The following SYT16 variants were observed in gnomAD, a reference collection of about 807,000 sequenced individuals.
SYT16 encodes synaptotagmin-16.
Under a neutral mutation model 61.4 loss-of-function variants are expected in SYT16, and 42 were observed. That is an observed-to-expected ratio of 0.68 (90% confidence interval 0.53 to 0.89). The LOEUF (loss-of-function observed/expected upper bound fraction) is 0.89, where lower values mean the gene tolerates loss of function less well. SYT16 is among the 40% of genes least tolerant of loss of function. SYT16 has a pLI of 0.00. For synonymous variants in SYT16, 314 were observed against 302.3 expected (o/e 1.04, Z -0.40); for missense variants, 804 against 807.3 (o/e 1.00, Z 0.05).
rs184802325 is a variant in SYT16, at chr14:61,944,920, C to G, written c.-324-25212C>G. On this transcript the variant is annotated intron_variant, in intron 1 of 7. Transcript: ENST00000683842. ...ATTAAACTAAAGAGCTTCTGCACAG[C>G]AAAAGAAACTATCATCAGAGTGAAC... is the stretch of plus-strand genomic sequence containing the variant. 7.6e-4 allele frequency among the ~76,000 whole-genome samples: 115 copies of G among 152,110 alleles called. 2 individuals are homozygous for G. Among genetic ancestry groups the G allele is most frequent in the African/African-American group, 2.7e-3 (114 of 41,484 alleles).
At chr14:61,884,775 C>T (rs941229838) in intron 1 of SYT16, among the ~76,000 whole-genome samples, 5 of 152,116 alleles carry the variant, frequency 3.3e-5, no homozygotes, top group Admixed American at 6.6e-5. Flanking sequence ...AAAGCTTTTG[C>T]TCATGCAGTG....
At chr14:62,052,465 A>T (rs1238485171) in intron 3 of SYT16, among the ~76,000 whole-genome samples, 2 of 152,188 alleles carry the variant, frequency 1.3e-5, no homozygotes, top group African/African-American at 4.8e-5. Context: ...ATGGCCTAAT[A>T]TAGGCCTAAT....
intron 1 of SYT16, among the ~76,000 whole-genome samples, chr14:61,898,963 A>T (rs967143704): frequency 3.3e-5 from 5 of 152,212 alleles, no homozygotes; most frequent in Admixed American, 1.3e-4. Flanking sequence ...AGAATGGAGG[A>T]TCAAAGTCAG....
intron 3 of SYT16, among the ~76,000 whole-genome samples, chr14:62,064,276 A>G (rs1022339732): frequency 6.7e-6 from 1 of 149,136 alleles, no homozygotes; most frequent in East Asian, 2.0e-4. Flanking sequence ...TAGCATAGAT[A>G]CATTGAAAGG....
At chr14:61,919,661 A>T (rs1411045712) in intron 1 of SYT16, among the ~76,000 whole-genome samples, 2 of 152,124 alleles carry the variant, frequency 1.3e-5, no homozygotes, top group African/African-American at 4.8e-5. Flanking sequence ...ATTCCATTGG[A>T]CCCATCTGGA....
intron 3 of SYT16, among the ~76,000 whole-genome samples, chr14:62,018,974 GA>G (rs763180198): frequency 4.6e-5 from 7 of 152,200 alleles, no homozygotes; most frequent in Non-Finnish European, 8.8e-5. Flanking sequence ...TTGAATAAAT[GA>G]AAGAATACTT....
chr14:61,833,382 TC>T (rs1190558268), intron 1 of SYT16, among the ~76,000 whole-genome samples: 3 of 150,610 alleles, frequency 2.0e-5, no homozygotes, highest in Non-Finnish European at 4.4e-5. Context: ...AACCTCTGCC[TC>T]CCGGGTTCAA....
At chr14:61,935,173 G>A (rs1209937113) in intron 1 of SYT16, among the ~76,000 whole-genome samples, 1 of 151,996 alleles carries the variant, frequency 6.6e-6, no homozygotes, top group Admixed American at 6.6e-5. Flanking sequence ...GTTTGGGTGG[G>A]GCTGTCAATC....
At chr14:61,949,973 C>A (rs2140473322) in intron 1 of SYT16, among the ~76,000 whole-genome samples, 1 of 152,252 alleles carries the variant, frequency 6.6e-6, no homozygotes, top group Non-Finnish European at 1.5e-5. Flanking sequence ...CCTCAGAGTC[C>A]CAGTTTTTTA....
chr14:61,964,994 G>A (rs2051257229), intron 1 of SYT16, among the ~76,000 whole-genome samples: 1 of 151,748 alleles, frequency 6.6e-6, no homozygotes, highest in Non-Finnish European at 1.5e-5. Context: ...CTACAGTATA[G>A]TGTAAACATA....
chr14:62,106,963 A>T lies in SYT16; in HGVS notation c.*6256A>T, dbSNP rs2057525071. On this transcript the variant is annotated 3_prime_UTR_variant, in exon 8 of 8. Coordinates refer to ENST00000683842, the MANE Select transcript of SYT16 (RefSeq NM_001367656.1). Reference sequence around the variant, plus strand: ...GCTGCCTTAAGGTTTCTTCATGGGAATTTTTACTTCATGCCTTTGAGTGAC... The same window carrying T: ...GCTGCCTTAAGGTTTCTTCATGGGATTTTTTACTTCATGCCTTTGAGTGAC... 6.6e-6 allele frequency: 1 copy of T among 151,944 alleles called. No homozygotes were observed. The allele number at this position is 151,944 out of a possible 1,614,324, so 9.4% of individuals were successfully genotyped here.
intron 3 of SYT16, among the ~76,000 whole-genome samples, chr14:62,068,781 A>G (rs1391509128): frequency 6.7e-6 from 1 of 150,368 alleles, no homozygotes; most frequent in Non-Finnish European, 1.5e-5. Flanking sequence ...CACACACACA[A>G]TGAGTCTCTT....
intron 2 of SYT16, among the ~76,000 whole-genome samples, chr14:61,972,560 A>G (rs924627247): frequency 5.3e-5 from 8 of 152,206 alleles, no homozygotes; most frequent in Non-Finnish European, 2.9e-5. Flanking sequence ...AAAAGCAAAC[A>G]CCTTCACTTT....
chr14:61,894,843 T>C (rs552699362), intron 1 of SYT16, among the ~76,000 whole-genome samples: 3 of 152,350 alleles, frequency 2.0e-5, no homozygotes, highest in Non-Finnish European at 4.4e-5. Context: ...TATTTACCAC[T>C]AAGGACTTTT....
chr14:62,053,331 G>C (rs748898961), intron 3 of SYT16, among the ~76,000 whole-genome samples: 4 of 152,126 alleles, frequency 2.6e-5, no homozygotes, highest in Admixed American at 6.5e-5. Flanking sequence ...TACATCATCT[G>C]CTCTCCTGAT....
chr14:61,895,874 A>G (rs756599010), intron 1 of SYT16, among the ~76,000 whole-genome samples: 7 of 152,214 alleles, frequency 4.6e-5, no homozygotes, highest in Non-Finnish European at 1.0e-4. Flanking sequence ...TTAGTTATTT[A>G]GGAATTTTTT....
intron 1 of SYT16, among the ~76,000 whole-genome samples, chr14:61,860,144 T>C (rs1214165330): frequency 6.6e-6 from 1 of 152,212 alleles, no homozygotes; most frequent in Non-Finnish European, 1.5e-5. Context: ...TCACTCTAGG[T>C]TGCACAAAGG....
At chr14:61,927,101 G>C (rs775936308) in intron 1 of SYT16, among the ~76,000 whole-genome samples, 6 of 152,146 alleles carry the variant, frequency 3.9e-5, no homozygotes, top group Non-Finnish European at 7.4e-5. Context: ...AGTGTTCACA[G>C]AGTAACAGCC....
At chr14:61,900,214 A>C (rs2048464312) in intron 1 of SYT16, among the ~76,000 whole-genome samples, 1 of 145,284 alleles carries the variant, frequency 6.9e-6, no homozygotes, top group Non-Finnish European at 1.5e-5. Context: ...GCTGAAATGC[A>C]GTGGCGCAAT....
Sources: gnomAD v4.1 joint callset for allele counts (sites outside exome capture counted in the v4.1 genomes callset) on GRCh38, gnomAD v4.1.1 for gene constraint, MANE v1.5 for transcripts, NCBI Gene and HGNC (gene_info 2026-07-23, HGNC 2026-07-21) for gene names.